Variants in ARMH3 observed in about 807,000 individuals in gnomAD.
ARMH3 encodes the protein armadillo-like helical domain-containing protein 3.
A neutral mutation model predicts 99.1 loss-of-function variants in ARMH3; 60 were observed. The ratio of observed to expected loss-of-function variants is 0.61; its 90% CI spans 0.49 to 0.75. ARMH3 has a LOEUF of 0.75. Among genes scored for constraint, ARMH3 ranks in the 30% least tolerant of loss-of-function variants. ARMH3 has a pLI of 0.00. For synonymous variants in ARMH3, 285 were observed against 292.8 expected, an observed-to-expected ratio of 0.97 and a Z score of 0.27; for missense variants, 679 against 843.1, an observed-to-expected ratio of 0.81 and a Z score of 2.41.
intron 23 of ARMH3, among the ~76,000 whole-genome samples, chr10:101,921,022 AT>A (rs1405896113): frequency 3.9e-5 from 6 of 152,190 alleles, no homozygotes; most frequent in Non-Finnish European, 8.8e-5. Context: ...AATCAGTACA[AT>A]TTCAGTTTTG....
At position 101,849,901 on chromosome 10, in the gene ARMH3, C is replaced by T. The variant is rs1201218039; in HGVS notation, c.1861-9G>A. The T allele has an allele frequency of 1.2e-6, 2 of 1,608,398 alleles. No homozygotes were observed. The highest frequency in any genetic ancestry group is 1.7e-5 in the Admixed American group (1 of 59,996). On this transcript the variant is annotated splice_polypyrimidine_tract_variant and intron_variant, in intron 24 of 25. Coordinates refer to ENST00000370033, the MANE Select transcript of ARMH3 (RefSeq NM_024541.3). The stretch of plus-strand genomic sequence containing the variant: ...CTCACCACCTCCAGCACCTGGAGGA[C>T]ATCAAGGGCCAGGCAGGGCTTAGGC...
chr10:101,959,990 C>A (rs950878357), intron 20 of ARMH3, among the ~76,000 whole-genome samples: 2 of 152,134 alleles, frequency 1.3e-5, no homozygotes, highest in African/African-American at 4.8e-5. Flanking sequence ...ACAGCCTGGG[C>A]AACACGGTGA....
At chr10:101,936,351 G>C (rs1427452414) in intron 23 of ARMH3, among the ~76,000 whole-genome samples, 1 of 151,832 alleles carries the variant, frequency 6.6e-6, no homozygotes, top group Non-Finnish European at 1.5e-5. Context: ...AATTAGCCGG[G>C]AATAGTGGTG....
At chr10:102,011,594 T>C in intron 11 of ARMH3, 129 bp downstream of exon 11, 1 of 676,204 alleles carries the variant, frequency 1.5e-6, no homozygotes, top group Non-Finnish European at 2.4e-6. Flanking sequence ...GAAAATCTGC[T>C]CTGAGCAGCC....
intron 1 of ARMH3, among the ~76,000 whole-genome samples, chr10:102,045,129 C>CAAAAAAAAAAAAAAAAAAAAAAAAAA (rs574856341): frequency 1.2e-5 from 1 of 80,768 alleles, no homozygotes; most frequent in Non-Finnish European, 2.5e-5. Flanking sequence ...GCCCTTGTCT[C>CAAAAAAAAAAAAAAAAAAAAAAAAAA]AAAAAAAAAA....
At chr10:101,989,598 G>A (rs1201152651) in intron 19 of ARMH3, among the ~76,000 whole-genome samples, 3 of 152,154 alleles carry the variant, frequency 2.0e-5, no homozygotes, top group South Asian at 2.1e-4. Context: ...GTGTGCACCT[G>A]TAATCCCAGC....
chr10:101,921,583 G>C (rs577257771), intron 23 of ARMH3, among the ~76,000 whole-genome samples: 1 of 152,294 alleles, frequency 6.6e-6, no homozygotes, highest in South Asian at 2.1e-4. Context: ...ATCAACCTAA[G>C]TGTCTACGAA....
intron 24 of ARMH3, among the ~76,000 whole-genome samples, chr10:101,858,289 A>C (rs1158273648): frequency 6.6e-6 from 1 of 152,228 alleles, no homozygotes; most frequent in Non-Finnish European, 1.5e-5. Context: ...CTCTAGAGTT[A>C]GCCTGCCTGG....
At chr10:102,051,960 T>C (rs1292745369) in intron 1 of ARMH3, among the ~76,000 whole-genome samples, 1 of 152,114 alleles carries the variant, frequency 6.6e-6, no homozygotes, top group Non-Finnish European at 1.5e-5. Flanking sequence ...CAGCTCCAAA[T>C]TGACAGTATT....
At chr10:101,866,407 T>A (rs533390799) in intron 24 of ARMH3, among the ~76,000 whole-genome samples, 2 of 150,740 alleles carry the variant, frequency 1.3e-5, no homozygotes, top group African/African-American at 2.4e-5. Flanking sequence ...TTGCTTGATA[T>A]GTACCACAGA....
intron 23 of ARMH3, among the ~76,000 whole-genome samples, chr10:101,922,378 G>A (rs1245333100): frequency 6.6e-6 from 1 of 152,052 alleles, no homozygotes; most frequent in Non-Finnish European, 1.5e-5. Flanking sequence ...GAGTAGCTGG[G>A]ACTATTACAG....
intron 8 of ARMH3, among the ~76,000 whole-genome samples, chr10:102,019,056 CT>C (rs1166545062): frequency 4.7e-5 from 7 of 149,508 alleles, no homozygotes; most frequent in African/African-American, 1.2e-4. Context: ...CTATACTATA[CT>C]TTTTTTTTTG....
intron 23 of ARMH3, among the ~76,000 whole-genome samples, chr10:101,896,507 T>C (rs1248782959): frequency 6.6e-6 from 1 of 152,238 alleles, no homozygotes; most frequent in Non-Finnish European, 1.5e-5. Context: ...ATTGTGATGA[T>C]GGTTGTACAA....
intron 24 of ARMH3, among the ~76,000 whole-genome samples, chr10:101,878,058 G>T (rs1444042970): frequency 1.3e-5 from 2 of 152,136 alleles, no homozygotes; most frequent in Non-Finnish European, 2.9e-5. Context: ...AGGAGTTCGA[G>T]ACTAGCCTGG....
chr10:102,036,469 T>C (rs986715824), intron 2 of ARMH3, among the ~76,000 whole-genome samples: 1 of 151,968 alleles, frequency 6.6e-6, no homozygotes, highest in Non-Finnish European at 1.5e-5. Context: ...AGAAATCAGA[T>C]TGTTGCTGTG....
intron 22 of ARMH3, among the ~76,000 whole-genome samples, chr10:101,947,534 C>T (rs1844588141): frequency 6.6e-6 from 1 of 152,118 alleles, no homozygotes; most frequent in Admixed American, 6.5e-5. Context: ...GGCACAGTGG[C>T]TCACACCTGT....
intron 8 of ARMH3, among the ~76,000 whole-genome samples, chr10:102,020,683 G>GAAAA (rs897977927): frequency 1.1e-5 from 1 of 87,564 alleles, no homozygotes. Flanking sequence ...CTCCATCTCA[G>GAAAA]AAAAAAAAAA....
intron 8 of ARMH3, among the ~76,000 whole-genome samples, chr10:102,020,010 CAGG>C (rs2066843909): frequency 6.6e-6 from 1 of 151,296 alleles, no homozygotes. Context: ...CACGTGAGGT[CAGG>C]AGTTTGAGAC....
At chr10:101,858,450 C>T (rs1218650670) in intron 24 of ARMH3, among the ~76,000 whole-genome samples, 1 of 152,198 alleles carries the variant, frequency 6.6e-6, no homozygotes, top group Non-Finnish European at 1.5e-5. Flanking sequence ...CTATGCTTGG[C>T]ACACAGAAAG....
Sources: allele counts gnomAD v4.1 joint callset (sites outside exome capture counted in the v4.1 genomes callset), GRCh38; gene constraint gnomAD v4.1.1; transcripts MANE v1.5; gene names NCBI Gene and HGNC (gene_info 2026-07-23, HGNC 2026-07-21).